ATRNL1: variants seen among roughly 807,000 people sequenced by gnomAD.
ATRNL1 encodes the protein attractin-like protein 1.
ATRNL1 carries 95 observed loss-of-function variants against 182.7 expected under a neutral mutation model. The observed-to-expected ratio is 0.52, with a 90% confidence interval of 0.44 to 0.62. The LOEUF is 0.62. Among genes scored for constraint, ATRNL1 ranks in the 20% least tolerant of loss-of-function variants. The pLI is 0.00. For missense variants in ATRNL1, 1,471 were observed against 1,679.5 expected (o/e 0.88, Z 2.17); for synonymous variants, 576 against 568.3 (o/e 1.01, Z -0.19).
chr10:115,329,072 C>G (rs1554934287), intron 18 of ATRNL1, among the ~76,000 whole-genome samples: 1 of 151,870 alleles, frequency 6.6e-6, no homozygotes, highest in African/African-American at 2.4e-5. Context: ...TTTACATTCC[C>G]ATAAAAAATG....
intron 5 of ATRNL1, among the ~76,000 whole-genome samples, chr10:115,134,837 A>G (rs1437270267): frequency 2.6e-5 from 4 of 152,172 alleles, no homozygotes; most frequent in South Asian, 2.1e-4. Flanking sequence ...CTTATCCACC[A>G]TGATCAAGTG....
At chr10:115,480,921 G>A (rs1190832090) in intron 24 of ATRNL1, among the ~76,000 whole-genome samples, 4 of 150,832 alleles carry the variant, frequency 2.7e-5, no homozygotes, top group Non-Finnish European at 4.5e-5. Flanking sequence ...TGTAAAATCT[G>A]CTTTTCTAAG....
At chr10:115,273,885 T>G (rs972268993) in intron 13 of ATRNL1, among the ~76,000 whole-genome samples, 1 of 152,162 alleles carries the variant, frequency 6.6e-6, no homozygotes, top group Admixed American at 6.6e-5. Context: ...ACCACTTTTA[T>G]TTGATGATAG....
intron 1 of ATRNL1, among the ~76,000 whole-genome samples, chr10:115,101,093 C>T (rs536373198): frequency 1.6e-4 from 25 of 152,164 alleles, no homozygotes; most frequent in African/African-American, 5.5e-4. Context: ...GCCAAACTTA[C>T]TTATTACTTG....
intron 27 of ATRNL1, among the ~76,000 whole-genome samples, chr10:115,818,103 A>G (rs1196710926): frequency 2.0e-5 from 3 of 150,000 alleles, no homozygotes; most frequent in East Asian, 2.0e-4. Context: ...CTTTCATTTT[A>G]TTGCTTTCCA....
At chr10:115,631,495 A>G (rs1555026417) in intron 26 of ATRNL1, among the ~76,000 whole-genome samples, 2 of 152,120 alleles carry the variant, frequency 1.3e-5, no homozygotes, top group African/African-American at 2.4e-5. Flanking sequence ...TATCATATGT[A>G]ATATGTTTTC....
intron 27 of ATRNL1, among the ~76,000 whole-genome samples, chr10:115,759,407 C>T (rs1343996253): frequency 1.3e-5 from 2 of 152,022 alleles, no homozygotes; most frequent in Non-Finnish European, 2.9e-5. Context: ...CTAGCCACTA[C>T]CCACTAGATG....
At chr10:115,250,832 G>T (rs1189341019) in intron 10 of ATRNL1, among the ~76,000 whole-genome samples, 1 of 152,086 alleles carries the variant, frequency 6.6e-6, no homozygotes, top group Admixed American at 6.5e-5. Flanking sequence ...CATTATTCTT[G>T]CCCATCTGGC....
chr10:115,817,767 G>GT (rs35789775), intron 27 of ATRNL1, among the ~76,000 whole-genome samples: 68,184 of 145,612 alleles, frequency 0.47, 16,468 homozygotes, highest in East Asian at 0.69. Context: ...TAAAAAAGTA[G>GT]TTTTTTTTTT....
chr10:115,777,804 T>A (rs897459384), intron 27 of ATRNL1, among the ~76,000 whole-genome samples: 1 of 151,990 alleles, frequency 6.6e-6, no homozygotes, highest in Admixed American at 6.6e-5. Flanking sequence ...AAAGGAACAA[T>A]GCGTGAGTTA....
At chr10:115,227,633 G>C (rs567595481) in intron 9 of ATRNL1, among the ~76,000 whole-genome samples, 1 of 152,196 alleles carries the variant, frequency 6.6e-6, no homozygotes, top group Non-Finnish European at 1.5e-5. Flanking sequence ...TCATTGCTGT[G>C]CTATTCACAG....
Position 115,265,243 on chromosome 10 carries a change from A to C in ATRNL1, c.1738A>C (p.Asn580His). The C allele has an allele frequency of 1.9e-6, 3 of 1,609,026 alleles. No homozygotes were observed. Among genetic ancestry groups the C allele is most frequent in the Non-Finnish European group, 2.5e-6 (3 of 1,176,982 alleles). ...AAAACCAAATCTTCATAGAGATGTC[A>C]ACAGATTTGGACACTCTGCAGTAGT... ...LPKPNLHRDV[N>H]RFGHSAVVIN... Residue 580 changes from asparagine (N) to histidine (H), a missense_variant, in exon 11 of 29, where the codon AAC becomes CAC. By Grantham distance (68) the Asn-to-His change is moderately conservative (BLOSUM62 1). Coordinates refer to ENST00000355044, the MANE Select transcript of ATRNL1 (RefSeq NM_207303.4).
chr10:115,315,385 G>A (rs1318681156), intron 17 of ATRNL1, 133 bp from the exon 18 acceptor site: 1 of 602,596 alleles, frequency 1.7e-6, no homozygotes, highest in Non-Finnish European at 2.8e-6. Flanking sequence ...AAGTATTATT[G>A]CAAAAATGTT....
chr10:115,165,704 C>A, intron 7 of ATRNL1, 59 bp downstream of exon 7: 1 of 815,944 alleles, frequency 1.2e-6, no homozygotes, highest in Non-Finnish European at 1.9e-6. Context: ...TTACCACAGG[C>A]TAAAAAATAC....
intron 1 of ATRNL1, among the ~76,000 whole-genome samples, chr10:115,114,068 G>A (rs1844374746): frequency 6.6e-6 from 1 of 151,998 alleles, no homozygotes; most frequent in South Asian, 2.1e-4. Flanking sequence ...ATTGACCCAT[G>A]GAACAGGATA....
chr10:115,646,750 C>T (rs1355620122), intron 26 of ATRNL1, among the ~76,000 whole-genome samples: 1 of 151,110 alleles, frequency 6.6e-6, no homozygotes, highest in African/African-American at 2.4e-5. Flanking sequence ...TAATACTATA[C>T]ATACTATTAT....
chr10:115,755,986 T>C (rs988953102), intron 27 of ATRNL1, among the ~76,000 whole-genome samples: 7 of 152,188 alleles, frequency 4.6e-5, no homozygotes, highest in Non-Finnish European at 7.3e-5. Flanking sequence ...GCTGGTCGTT[T>C]GTATTTCTGT....
At chr10:115,620,492 T>A (rs1432180630) in intron 26 of ATRNL1, among the ~76,000 whole-genome samples, 3 of 152,170 alleles carry the variant, frequency 2.0e-5, no homozygotes, top group African/African-American at 7.2e-5. Flanking sequence ...TTAAACCATT[T>A]TAGAGACAAA....
At chr10:115,426,324 A>T (rs782526384) in intron 21 of ATRNL1, 22 bp downstream of exon 21, 7 of 1,535,670 alleles carry the variant, frequency 4.6e-6, no homozygotes, top group Non-Finnish European at 5.4e-6. Flanking sequence ...TGTATTCTTC[A>T]TTTTAAATAA....
Sources: gnomAD v4.1 joint callset for allele counts (sites outside exome capture counted in the v4.1 genomes callset) on GRCh38, gnomAD v4.1.1 for gene constraint, MANE v1.5 for transcripts, NCBI Gene and HGNC (gene_info 2026-07-23, HGNC 2026-07-21) for gene names.